EYS: variants seen among roughly 807,000 people sequenced by gnomAD.
EYS encodes the protein EGF-like photoreceptor maintenance factor, also known as protein eyes shut homolog.
Under a neutral mutation model 282.1 loss-of-function variants are expected in EYS, and 250 were observed. The ratio of observed to expected loss-of-function variants is 0.89; its 90% CI spans 0.80 to 0.98. The LOEUF is 0.98. Ranked by LOEUF, EYS falls within the 50% of genes least tolerant of loss-of-function variation. The pLI is 0.00. For missense variants in EYS, 4,016 were observed against 3,709.0 expected, an observed-to-expected ratio of 1.08 and a Z score of -2.15; for synonymous variants, 1,355 against 1,282.9, an observed-to-expected ratio of 1.06 and a Z score of -1.20.
intron 41 of EYS, among the ~76,000 whole-genome samples, chr6:63,728,444 G>T (rs1582148167): frequency 6.6e-6 from 1 of 152,058 alleles, no homozygotes; most frequent in Admixed American, 6.6e-5. Flanking sequence ...GCCATTTTAG[G>T]TTCACTGCAA....
At chr6:64,413,735 C>T (rs1773979542) in intron 28 of EYS, among the ~76,000 whole-genome samples, 3 of 152,122 alleles carry the variant, frequency 2.0e-5, no homozygotes. Flanking sequence ...TATGGGAATC[C>T]AGCAGAGTGA....
At chr6:64,286,844 A>C (rs375555424) in intron 30 of EYS, among the ~76,000 whole-genome samples, 35 of 152,192 alleles carry the variant, frequency 2.3e-4, no homozygotes, top group African/African-American at 8.2e-4. Flanking sequence ...TAAATCAAGC[A>C]AACTATCAGT....
intron 29 of EYS, among the ~76,000 whole-genome samples, chr6:64,383,154 A>G (rs1772803712): frequency 1.3e-5 from 2 of 152,228 alleles, no homozygotes; most frequent in South Asian, 4.1e-4. Flanking sequence ...AAATTTAAAT[A>G]GCAGGGTATG....
chr6:65,611,886 T>C (rs1766014139), intron 2 of EYS, among the ~76,000 whole-genome samples: 1 of 152,022 alleles, frequency 6.6e-6, no homozygotes, highest in African/African-American at 2.4e-5. Context: ...GAAACATTGC[T>C]CAAAAGGTAT....
At chr6:65,093,326 A>C (rs935373931) in intron 12 of EYS, among the ~76,000 whole-genome samples, 1 of 152,032 alleles carries the variant, frequency 6.6e-6, no homozygotes, top group Admixed American at 6.6e-5. Context: ...CAGCAAAATG[A>C]AAGTATAAAA....
At chr6:64,855,060 T>C (rs924387842) in intron 19 of EYS, among the ~76,000 whole-genome samples, 3 of 152,138 alleles carry the variant, frequency 2.0e-5, no homozygotes, top group Admixed American at 6.6e-5. Flanking sequence ...TTTATTATAA[T>C]GTTTTCATAT....
At chr6:64,581,871 A>G (rs2149824915) in intron 26 of EYS, among the ~76,000 whole-genome samples, 1 of 152,224 alleles carries the variant, frequency 6.6e-6, no homozygotes, top group Non-Finnish European at 1.5e-5. Flanking sequence ...GGGCGCCATC[A>G]GAGTGGTAGA....
chr6:65,620,647 G>T (rs1231595068), intron 2 of EYS, among the ~76,000 whole-genome samples: 2 of 149,838 alleles, frequency 1.3e-5, no homozygotes, highest in African/African-American at 5.0e-5. Context: ...GTGATGTTAG[G>T]GTGTCAATTT....
chr6:65,245,018 G>T (rs999546639), intron 12 of EYS, among the ~76,000 whole-genome samples: 1 of 152,070 alleles, frequency 6.6e-6, no homozygotes, highest in South Asian at 2.1e-4. Flanking sequence ...GACATAAAAT[G>T]GTGAAAATTG....
At chr6:64,394,983 ACACTT>A (rs2150431426) in intron 28 of EYS, among the ~76,000 whole-genome samples, 1 of 152,330 alleles carries the variant, frequency 6.6e-6, no homozygotes, top group Non-Finnish European at 1.5e-5. Flanking sequence ...ATATGAACAG[ACACTT>A]CTCGAAAGAA....
At chr6:64,673,926 G>T (rs1769558064) in intron 22 of EYS, among the ~76,000 whole-genome samples, 1 of 152,124 alleles carries the variant, frequency 6.6e-6, no homozygotes, top group East Asian at 1.9e-4. Context: ...ATTAAATAAT[G>T]AATGCAATAT....
At chr6:65,452,091 T>C (rs1444806442) in intron 5 of EYS, among the ~76,000 whole-genome samples, 1 of 151,758 alleles carries the variant, frequency 6.6e-6, no homozygotes, top group Non-Finnish European at 1.5e-5. Flanking sequence ...AATTAGTTAA[T>C]ATATGTCATA....
At chr6:65,145,572 G>T (rs373529149) in intron 12 of EYS, among the ~76,000 whole-genome samples, 88 of 151,840 alleles carry the variant, frequency 5.8e-4, no homozygotes, top group African/African-American at 1.8e-3. Flanking sequence ...ACAATTCAGG[G>T]ATTGGATGAT....
intron 14 of EYS, among the ~76,000 whole-genome samples, chr6:64,970,747 C>T (rs1160481125): frequency 2.6e-5 from 4 of 152,108 alleles, no homozygotes; most frequent in Non-Finnish European, 5.9e-5. Flanking sequence ...GCTGCAAGTG[C>T]TCCCAAAGAG....
chr6:63,999,358 T>G (rs1411182297), intron 33 of EYS, among the ~76,000 whole-genome samples, 175 bp from the exon 34 acceptor site: 1 of 152,258 alleles, frequency 6.6e-6, no homozygotes, highest in Non-Finnish European at 1.5e-5. Flanking sequence ...AAGATGTATT[T>G]CTTTTCTAAC....
chr6:65,254,131 A>G (rs1402066080), intron 12 of EYS, among the ~76,000 whole-genome samples: 1 of 151,852 alleles, frequency 6.6e-6, no homozygotes, highest in Non-Finnish European at 1.5e-5. Context: ...ACACAGATTT[A>G]CTTTTATCTC....
At chr6:65,402,442 A>G (rs1410098441) in intron 7 of EYS, 36 bp downstream of exon 7, 4 of 1,352,458 alleles carry the variant, frequency 3.0e-6, no homozygotes, top group Admixed American at 1.7e-5. Flanking sequence ...AAATCCATGT[A>G]CTTTGTATTA....
chr6:64,717,508 G>A (rs1771435541), intron 22 of EYS, among the ~76,000 whole-genome samples: 1 of 152,186 alleles, frequency 6.6e-6, no homozygotes, highest in Non-Finnish European at 1.5e-5. Flanking sequence ...GCAAAGCTCA[G>A]GGCGGTAATG....
intron 10 of EYS, among the ~76,000 whole-genome samples, chr6:65,338,196 A>T (rs925815110): frequency 6.6e-6 from 1 of 150,696 alleles, no homozygotes; most frequent in Non-Finnish European, 1.5e-5. Flanking sequence ...TCTAGGACTA[A>T]AAAATAATTT....
Sources: gnomAD v4.1 joint callset for allele counts (sites outside exome capture counted in the v4.1 genomes callset) on GRCh38, gnomAD v4.1.1 for gene constraint, MANE v1.5 for transcripts, NCBI Gene and HGNC (gene_info 2026-07-23, HGNC 2026-07-21) for gene names.